DENND4C: variants seen among roughly 807,000 people sequenced by gnomAD.
DENND4C encodes DENN domain-containing protein 4C.
In DENND4C, 108 loss-of-function variants were observed where a neutral mutation model predicts 203.0. The observed-to-expected ratio is 0.53, with a 90% CI of 0.46 to 0.62. The LOEUF (loss-of-function observed/expected upper bound fraction) is 0.62. Among genes scored for constraint, DENND4C ranks in the 20% least tolerant of loss-of-function variants. DENND4C has a pLI of 0.00. For synonymous variants in DENND4C, 871 were observed against 792.4 expected, an observed-to-expected ratio of 1.10 and a Z score of -1.67; for missense variants, 2,481 against 2,301.2, an observed-to-expected ratio of 1.08 and a Z score of -1.60.
chr9:19,318,979 G>C (rs2131588310), intron 12 of DENND4C, among the ~76,000 whole-genome samples: 1 of 152,024 alleles, frequency 6.6e-6, no homozygotes, highest in East Asian at 1.9e-4. Flanking sequence ...GACCAGTCTG[G>C]CCAACATGGC....
At chr9:19,356,019 G>A (rs1825320342) in intron 26 of DENND4C, among the ~76,000 whole-genome samples, 1 of 151,984 alleles carries the variant, frequency 6.6e-6, no homozygotes, top group African/African-American at 2.4e-5. Context: ...TGGGTATAAA[G>A]GAGCATTATT....
intron 1 of DENND4C, among the ~76,000 whole-genome samples, chr9:19,257,080 A>AAG (rs1234226787): frequency 3.9e-5 from 6 of 152,024 alleles, no homozygotes; most frequent in African/African-American, 1.4e-4. Flanking sequence ...AAAAAAAAAA[A>AAG]AGGAAATATA....
At chr9:19,362,622 C>G (rs1368137007) in intron 30 of DENND4C, among the ~76,000 whole-genome samples, 2 of 151,858 alleles carry the variant, frequency 1.3e-5, no homozygotes, top group African/African-American at 4.8e-5. Context: ...TGACGGGTCT[C>G]AACTGAGTTG....
intron 1 of DENND4C, among the ~76,000 whole-genome samples, chr9:19,261,890 A>G (rs55973165): frequency 0.054 from 8,201 of 151,700 alleles, 368 homozygotes; most frequent in African/African-American, 0.12. Context: ...TACTTCTTTG[A>G]TTATTAGGTT....
At chr9:19,240,705 A>C (rs1178197942) in intron 1 of DENND4C, among the ~76,000 whole-genome samples, 1 of 150,446 alleles carries the variant, frequency 6.6e-6, no homozygotes, top group Non-Finnish European at 1.5e-5. Context: ...GGTTGCTCAC[A>C]CCTGTAATCC....
intron 5 of DENND4C, among the ~76,000 whole-genome samples, chr9:19,292,871 T>C (rs1430995503): frequency 4.6e-5 from 7 of 152,104 alleles, no homozygotes; most frequent in African/African-American, 1.7e-4. Context: ...CTAAGGAAAT[T>C]TAATAGGCGA....
intron 9 of DENND4C, among the ~76,000 whole-genome samples, chr9:19,301,178 CAA>C (rs576219374): frequency 7.1e-5 from 8 of 112,372 alleles, no homozygotes; most frequent in African/African-American, 9.6e-5. Flanking sequence ...AACTCCGTCT[CAA>C]AAAAAAAAAA....
intron 7 of DENND4C, 130 bp downstream of exon 7, chr9:19,298,252 G>A: frequency 1.4e-6 from 1 of 715,962 alleles, no homozygotes; most frequent in Non-Finnish European, 2.3e-6. Context: ...GATTTTCTGT[G>A]CTTTGTAGCT....
chr9:19,366,496 C>T (rs755300531), intron 30 of DENND4C, among the ~76,000 whole-genome samples: 12 of 152,034 alleles, frequency 7.9e-5, no homozygotes, highest in Non-Finnish European at 5.9e-5. Context: ...CCCAGCTAGT[C>T]GGGAGGCTGA....
rs944912745 is a variant in DENND4C at position 19,336,737 on chromosome 9, G to A, written c.2786G>A (p.Ser929Asn). Residue 929 changes from serine to asparagine, a missense_variant, in exon 20 of 33, where the codon AGT becomes AAT. By Grantham distance (46) the Ser-to-Asn change is conservative (BLOSUM62 1). Transcript: ENST00000434457. ...GATGGGGACACGGTGAGCCACGGTAGTGTGGATAGTTCTAATGATGCTAAC... is the reference window on the plus strand; with the variant it reads ...GATGGGGACACGGTGAGCCACGGTAATGTGGATAGTTCTAATGATGCTAAC... ...GSDGDTVSHG[S>N]VDSSNDANNG... 6.5e-5 allele frequency: 101 copies of A among 1,550,942 alleles called. No individual in the cohort carries two copies. Among genetic ancestry groups the A allele is most frequent in the Non-Finnish European group, 8.4e-5 (96 of 1,147,084 alleles).
intron 26 of DENND4C, 113 bp downstream of exon 26, chr9:19,352,778 CACCTT>C: frequency 1.4e-6 from 1 of 731,580 alleles, no homozygotes; most frequent in Non-Finnish European, 2.0e-6. Flanking sequence ...GTCTGTCCTT[CACCTT>C]CAGTATTTGA....
intron 20 of DENND4C, among the ~76,000 whole-genome samples, chr9:19,340,496 T>C (rs1360683056): frequency 6.6e-6 from 1 of 152,140 alleles, no homozygotes; most frequent in Non-Finnish European, 1.5e-5. Flanking sequence ...TGCAGAAGTG[T>C]ATTCTATCTC....
chr9:19,235,320 A>T (rs1395309487), intron 1 of DENND4C, among the ~76,000 whole-genome samples: 1 of 152,186 alleles, frequency 6.6e-6, no homozygotes, highest in Admixed American at 6.5e-5. Context: ...GGGCTGCTAC[A>T]ATATAGTATT....
rs982479520 is a variant in DENND4C, at chr9:19,345,785, T to C, written c.3152-136T>C. 9 of 827,142 alleles carry C rather than the reference T, an allele frequency of 1.1e-5. No individual in the cohort carries two copies. The South Asian group carries it at 1.4e-4, about 13-fold the overall frequency. The allele number at this position is 827,142 out of a possible 1,614,324, so 51.2% of individuals were successfully genotyped here. On this transcript the variant is annotated intron_variant, in intron 22 of 32. Coordinates refer to ENST00000434457, the MANE Select transcript of DENND4C (RefSeq NM_001330640.2). Reference sequence around the variant, plus strand: ...TTCCAGTGCACTTTTTTTTATACTTTCTTTATGGCCTCTAAATTTTCTGGA... The same window carrying C: ...TTCCAGTGCACTTTTTTTTATACTTCCTTTATGGCCTCTAAATTTTCTGGA...
chr9:19,343,132 A>C (rs1822032785), intron 22 of DENND4C, among the ~76,000 whole-genome samples: 1 of 152,174 alleles, frequency 6.6e-6, no homozygotes, highest in Non-Finnish European at 1.5e-5. Flanking sequence ...CAGAGGGCTT[A>C]TGAGTGGCAG....
intron 1 of DENND4C, among the ~76,000 whole-genome samples, chr9:19,254,100 G>A (rs79860405): frequency 0.022 from 3,260 of 150,888 alleles, 123 homozygotes; most frequent in African/African-American, 0.073. Flanking sequence ...GTATCAATAT[G>A]GGTATGGCGA....
In DENND4C at chr9:19,287,014, G is replaced by C; in HGVS notation, c.551G>C (p.Cys184Ser). The change falls in exon 3 of 33, where the codon TGT becomes TCT. Residue 184 changes from cysteine (C) to serine (S), a missense_variant. Physicochemically the swap from Cys to Ser is moderately radical, Grantham distance 112. Coordinates refer to ENST00000434457, the MANE Select transcript of DENND4C (RefSeq NM_001330640.2). ...TFCKVDKNLN[C>S]GMWGSSVFLC... ...TGCAAAGTTGACAAAAACTTAAATT[G>C]TGGAATGGTAAGAATAAAGTTTTCA... 8.1e-7 allele frequency: 1 copy of C among 1,232,042 alleles called. No individual in the cohort carries two copies. The highest frequency in any genetic ancestry group is 1.0e-6 in the Non-Finnish European group (1 of 987,938). 76.3% of individuals were successfully genotyped at this position (1,232,042 alleles called of 1,614,324 possible).
intron 2 of DENND4C, among the ~76,000 whole-genome samples, chr9:19,277,845 T>C (rs762075712): frequency 3.9e-5 from 6 of 152,200 alleles, no homozygotes; most frequent in Non-Finnish European, 7.3e-5. Flanking sequence ...TTCCTAGTTT[T>C]CTGAGAGATT....
chr9:19,371,685 C>A, intron 31 of DENND4C, 71 bp from the exon 32 acceptor site: 1 of 766,128 alleles, frequency 1.3e-6, no homozygotes, highest in Non-Finnish European at 2.2e-6. Flanking sequence ...AATGTCTTCA[C>A]CATTAAAAAA....
Sources: allele counts gnomAD v4.1 joint callset (sites outside exome capture counted in the v4.1 genomes callset), GRCh38; gene constraint gnomAD v4.1.1; transcripts MANE v1.5; gene names NCBI Gene and HGNC (gene_info 2026-07-23, HGNC 2026-07-21).